Variants in LGSN observed in about 807,000 individuals in gnomAD.
LGSN encodes the protein lengsin, lens protein with glutamine synthetase domain.
In LGSN, 21 loss-of-function variants were observed where a neutral mutation model predicts 19.5. That is an observed-to-expected ratio of 1.07 (90% CI 0.76 to 1.55). LGSN has a LOEUF of 1.55. LGSN is among the 40% of genes most tolerant of loss of function. The pLI, the probability that LGSN is intolerant of heterozygous loss-of-function variation, is 0.00. For missense variants in LGSN, 673 were observed against 608.5 expected (o/e 1.11, Z -1.12); for synonymous variants, 257 against 215.6 (o/e 1.19, Z -1.68).
chr6:63,558,548 G>C, the LGSN span, among the ~76,000 whole-genome samples: 1 of 152,178 alleles, frequency 6.6e-6, no homozygotes, highest in Non-Finnish European at 1.5e-5. Context: ...GGTCTCATGG[G>C]GGAAGAGAGA....
the LGSN span, among the ~76,000 whole-genome samples, chr6:63,325,968 G>A: frequency 1.6e-4 from 24 of 152,240 alleles, no homozygotes; most frequent in South Asian, 4.1e-4. Flanking sequence ...CCCACATCCC[G>A]CTGATTGGTA....
upstream of LGSN, among the ~76,000 whole-genome samples, chr6:63,320,308 G>A (rs1334227171): frequency 1.3e-5 from 2 of 152,090 alleles, no homozygotes; most frequent in Non-Finnish European, 2.9e-5. Flanking sequence ...TTCAGATGAT[G>A]AAACACTTAT....
the LGSN span, among the ~76,000 whole-genome samples, chr6:63,494,770 G>T: frequency 5.3e-5 from 8 of 152,080 alleles, no homozygotes; most frequent in Non-Finnish European, 1.2e-4. Flanking sequence ...CTTTTACCTT[G>T]CTATATCTCT....
chr6:63,529,634 G>A, the LGSN span, among the ~76,000 whole-genome samples: 1 of 152,096 alleles, frequency 6.6e-6, no homozygotes, highest in South Asian at 2.1e-4. Flanking sequence ...TCAAAAGCTT[G>A]GTTTGAGCAG....
At chr6:63,458,356 C>A in the LGSN span, among the ~76,000 whole-genome samples, 1 of 152,172 alleles carries the variant, frequency 6.6e-6, no homozygotes, top group Non-Finnish European at 1.5e-5. Flanking sequence ...CATAAGCCAT[C>A]GGGCCCGGCT....
chr6:63,527,441 C>CT, the LGSN span, among the ~76,000 whole-genome samples: 1 of 152,012 alleles, frequency 6.6e-6, no homozygotes, highest in African/African-American at 2.4e-5. Context: ...TTTGATGGGT[C>CT]TTTCCTTTCT....
chr6:63,465,477 C>T, the LGSN span, among the ~76,000 whole-genome samples: 4 of 152,176 alleles, frequency 2.6e-5, no homozygotes, highest in African/African-American at 9.7e-5. Context: ...CCACCATGCT[C>T]AGCCTGCACA....
chr6:63,514,129 T>G, the LGSN span, among the ~76,000 whole-genome samples: 1 of 152,164 alleles, frequency 6.6e-6, no homozygotes. Flanking sequence ...TCTTGCTCAA[T>G]GTTTGCAAAG....
chr6:63,292,071 C>G (rs939581786), intron 2 of LGSN, among the ~76,000 whole-genome samples: 6 of 152,198 alleles, frequency 3.9e-5, no homozygotes, highest in Non-Finnish European at 8.8e-5. Context: ...GCCACCCCAG[C>G]TGACAACCAG....
chr6:63,441,519 T>G, the LGSN span: 1 of 421,466 alleles, frequency 2.4e-6, no homozygotes, highest in Non-Finnish European at 4.6e-6. Context: ...ACATGAAGGC[T>G]GTACAGACAG....
Position 63,294,892 on chromosome 6 carries a change from G to T in LGSN, c.163+21C>A, listed in dbSNP as rs573560631. ...TTGCCTCTGACCACACCATTTTTGA[G>T]GACTCAGAGTAGTTAGATACCATTT... is the stretch of plus-strand genomic sequence containing the variant. On this transcript the variant is annotated intron_variant, in intron 2 of 3. Coordinates refer to ENST00000370657, the MANE Select transcript of LGSN (RefSeq NM_016571.3). 817 of 1,612,314 alleles carry T rather than the reference G, an allele frequency of 5.1e-4. 16 individuals are homozygous for T. In the South Asian group the frequency reaches 7.4e-3, roughly 15 times the overall value.
chr6:63,322,925 T>C (rs1769119560), upstream of LGSN, among the ~76,000 whole-genome samples: 1 of 152,214 alleles, frequency 6.6e-6, no homozygotes, highest in Admixed American at 6.5e-5. Context: ...TCTCCTCTCA[T>C]CTGCCCCTTC....
At chr6:63,563,363 T>C in the LGSN span, among the ~76,000 whole-genome samples, 3 of 152,176 alleles carry the variant, frequency 2.0e-5, no homozygotes, top group East Asian at 5.8e-4. Context: ...TTCCAACTCC[T>C]TGAGTACCAA....
chr6:63,533,530 A>G, the LGSN span, among the ~76,000 whole-genome samples: 890 of 152,370 alleles, frequency 5.8e-3, 4 homozygotes, highest in Middle Eastern at 0.051. Context: ...TTTGCTCAAG[A>G]AATAATGCTT....
the LGSN span, among the ~76,000 whole-genome samples, chr6:63,450,862 T>A: frequency 6.6e-5 from 10 of 151,894 alleles, no homozygotes; most frequent in African/African-American, 2.2e-4. Context: ...TTGGTAGAGA[T>A]AAGGTTTCGC....
At chr6:63,488,842 C>CAA in the LGSN span, among the ~76,000 whole-genome samples, 2 of 126,148 alleles carry the variant, frequency 1.6e-5, no homozygotes, top group Non-Finnish European at 3.4e-5. Flanking sequence ...TAAAGTTTAC[C>CAA]AAAAAAAAAA....
At chr6:63,572,797 G>C in the LGSN span, 5 of 397,526 alleles carry the variant, frequency 1.3e-5, no homozygotes, top group East Asian at 1.8e-4. Flanking sequence ...GCCTTTGTTC[G>C]GAGCCCGGCG....
chr6:63,358,237 C>T, the LGSN span, among the ~76,000 whole-genome samples: 1 of 152,150 alleles, frequency 6.6e-6, no homozygotes, highest in African/African-American at 2.4e-5. Context: ...TTACTGTAGC[C>T]TTGTAGTATA....
chr6:63,295,107 G>A, intron 1 of LGSN, 62 bp from the exon 2 acceptor site: 1 of 1,483,858 alleles, frequency 6.7e-7, no homozygotes. Flanking sequence ...ATATTTGGAT[G>A]TCGAAAGAGT....
Sources: allele counts gnomAD v4.1 joint callset (sites outside exome capture counted in the v4.1 genomes callset), GRCh38; gene constraint gnomAD v4.1.1; transcripts MANE v1.5; gene names NCBI Gene and HGNC (gene_info 2026-07-23, HGNC 2026-07-21).